The following RORA variants were observed in gnomAD, a reference collection of about 807,000 sequenced individuals.
RORA encodes the protein nuclear receptor ROR-alpha.
A neutral mutation model predicts 69.5 loss-of-function variants in RORA; 7 were observed. The ratio of observed to expected loss-of-function variants is 0.10; its 90% confidence interval spans 0.06 to 0.19. RORA has a LOEUF of 0.19. Among genes scored for constraint, RORA ranks in the 10% least tolerant of loss-of-function variants. RORA has a pLI of 1.00. For synonymous variants in RORA, 261 were observed against 240.8 expected (o/e 1.08, Z -0.78); for missense variants, 457 against 663.0 (o/e 0.69, Z 3.41).
intron 1 of RORA, among the ~76,000 whole-genome samples, chr15:60,753,881 C>T (rs759399933): frequency 1.1e-4 from 16 of 152,182 alleles, no homozygotes; most frequent in Admixed American, 4.6e-4. Flanking sequence ...TCTATTATCC[C>T]GTTTGATCCT....
chr15:60,788,086 A>G lies in RORA; in HGVS notation c.167-109400T>C, dbSNP rs2072363814. On this transcript the variant is annotated intron_variant, in intron 1 of 10. Transcript: ENST00000335670. ...TGAAAAGTATCTATCTGGGGAGCTG[A>G]TCATGTCTGAGAGGCAGAAGAAGCT... is the stretch of plus-strand genomic sequence containing the variant. Among the ~76,000 whole-genome samples the G allele has an allele frequency of 3.3e-5, 5 of 152,224 alleles. No homozygotes were observed. The South Asian group carries it at 1.0e-3, about 32-fold the overall frequency.
At chr15:60,977,807 C>A (rs1217857485) in intron 1 of RORA, among the ~76,000 whole-genome samples, 1 of 152,170 alleles carries the variant, frequency 6.6e-6, no homozygotes, top group African/African-American at 2.4e-5. Context: ...CTTTTTATAG[C>A]TGAATAATAT....
intron 1 of RORA, among the ~76,000 whole-genome samples, chr15:60,992,842 C>T (rs1428883926): frequency 2.6e-5 from 4 of 152,200 alleles, no homozygotes; most frequent in Non-Finnish European, 5.9e-5. Context: ...TTAACTGATA[C>T]TTAAAACACT....
At chr15:60,875,858 A>G (rs1380725961) in intron 1 of RORA, among the ~76,000 whole-genome samples, 1 of 152,186 alleles carries the variant, frequency 6.6e-6, no homozygotes, top group Non-Finnish European at 1.5e-5. Flanking sequence ...GAACGCCTGC[A>G]GGAGGTTAAA....
At chr15:60,944,225 T>C (rs1184222393) in intron 1 of RORA, among the ~76,000 whole-genome samples, 1 of 152,150 alleles carries the variant, frequency 6.6e-6, no homozygotes, top group African/African-American at 2.4e-5. Context: ...GGAAGTCTGA[T>C]GTAACTGGTC....
chr15:61,040,143 T>TAC (rs1555404722), intron 1 of RORA, among the ~76,000 whole-genome samples: 19 of 111,430 alleles, frequency 1.7e-4, no homozygotes, highest in Admixed American at 7.4e-4. Context: ...TATATATATA[T>TAC]ATATATATAT....
At chr15:60,591,939 G>A (rs1427640868) in intron 2 of RORA, among the ~76,000 whole-genome samples, 1 of 152,006 alleles carries the variant, frequency 6.6e-6, no homozygotes, top group Non-Finnish European at 1.5e-5. Context: ...GCGCACGCAC[G>A]GCCCTGCCCG....
At chr15:60,671,846 A>G (rs2070478632) in intron 2 of RORA, among the ~76,000 whole-genome samples, 1 of 151,714 alleles carries the variant, frequency 6.6e-6, no homozygotes, top group African/African-American at 2.4e-5. Flanking sequence ...TCCTGACCTC[A>G]GGTGATCTGC....
chr15:61,139,875 C>A (rs1302639018), intron 1 of RORA, among the ~76,000 whole-genome samples: 2 of 152,140 alleles, frequency 1.3e-5, no homozygotes, highest in Non-Finnish European at 2.9e-5. Context: ...AATTCTAGCC[C>A]CTTGCCCTGG....
chr15:60,781,910 G>A (rs1223131614), intron 1 of RORA, among the ~76,000 whole-genome samples: 1 of 152,240 alleles, frequency 6.6e-6, no homozygotes, highest in Non-Finnish European at 1.5e-5. Context: ...GCCCCTTTCA[G>A]GCAGTGGGCT....
chr15:60,899,402 G>C (rs907327425), intron 1 of RORA, among the ~76,000 whole-genome samples: 4 of 152,194 alleles, frequency 2.6e-5, no homozygotes, highest in Non-Finnish European at 5.9e-5. Flanking sequence ...CATAGATGTG[G>C]ATAGGAAATG....
intron 2 of RORA, among the ~76,000 whole-genome samples, chr15:60,546,787 T>C (rs572175706): frequency 3.3e-4 from 50 of 152,192 alleles, no homozygotes; most frequent in Non-Finnish European, 6.8e-4. Flanking sequence ...AGCGGCCTCA[T>C]GATCAAACTC....
intron 1 of RORA, among the ~76,000 whole-genome samples, chr15:61,180,143 C>CAAAAAA (rs71456351): frequency 4.6e-4 from 17 of 36,580 alleles, no homozygotes; most frequent in East Asian, 1.0e-3. Context: ...GACTCCATCT[C>CAAAAAA]AAAAAAAAAA....
intron 1 of RORA, among the ~76,000 whole-genome samples, chr15:60,862,684 G>A (rs748100485): frequency 6.6e-6 from 1 of 152,194 alleles, no homozygotes; most frequent in Non-Finnish European, 1.5e-5. Context: ...TGTTATTTCA[G>A]TGAAGTCATA....
rs1418659908 is a variant in RORA, at chr15:60,905,152, C to A, written c.167-226466G>T. Among the ~76,000 whole-genome samples, 6 of 152,110 alleles carry A rather than the reference C, an allele frequency of 3.9e-5. No individual in the cohort carries two copies. ...TTTTAGTTACATAAACTGACATCAACCCCTCTTCTTCTTTTAATTGATATG... is the reference window on the plus strand; with the variant it reads ...TTTTAGTTACATAAACTGACATCAAACCCTCTTCTTCTTTTAATTGATATG... On this transcript the variant is annotated intron_variant, in intron 1 of 10. Transcript: ENST00000335670. The surrounding 1 kb of genome is among the most constrained non-coding windows in gnomAD (Gnocchi z 4.8).
chr15:61,028,462 C>T (rs573667215), intron 1 of RORA, among the ~76,000 whole-genome samples: 4 of 152,200 alleles, frequency 2.6e-5, no homozygotes, highest in South Asian at 2.1e-4. Context: ...CTACTATGTG[C>T]GGGGCCCTTT....
At chr15:60,597,577 C>T (rs7173497) in intron 2 of RORA, among the ~76,000 whole-genome samples, 538 of 24,952 alleles carry the variant, frequency 0.022, 15 homozygotes, top group East Asian at 0.03. Flanking sequence ...TATATATACA[C>T]ATATATATAT....
chr15:60,849,618 G>C (rs1389438828), intron 1 of RORA, among the ~76,000 whole-genome samples: 1 of 152,232 alleles, frequency 6.6e-6, no homozygotes, highest in Non-Finnish European at 1.5e-5. Flanking sequence ...GGTATGAGCA[G>C]TGATGTGCTG....
chr15:60,911,683 T>G (rs1003782302), intron 1 of RORA, among the ~76,000 whole-genome samples: 2 of 149,040 alleles, frequency 1.3e-5, no homozygotes, highest in African/African-American at 2.5e-5. Context: ...AAGAGAAAAG[T>G]GTCAGGTAAC....
Sources: gnomAD v4.1 joint callset for allele counts (sites outside exome capture counted in the v4.1 genomes callset) on GRCh38, gnomAD v4.1.1 for gene constraint, Gnocchi (gnomAD v3.1) non-coding constraint, MANE v1.5 for transcripts, NCBI Gene and HGNC (gene_info 2026-07-23, HGNC 2026-07-21) for gene names.